The following NSMCE2 variants were observed in gnomAD, a reference collection of about 807,000 sequenced individuals.
NSMCE2 encodes the protein NSE2 SUMO ligase component of SMC5/6 complex, also known as E3 SUMO-protein ligase NSE2.
Under a neutral mutation model 23.8 loss-of-function variants are expected in NSMCE2, and 24 were observed. The observed-to-expected ratio is 1.01, with a 90% CI of 0.73 to 1.42. The LOEUF is 1.42. Ranked by LOEUF, NSMCE2 falls within the 40% of genes most tolerant of loss-of-function variation. The pLI is 0.00. For synonymous variants in NSMCE2, 92 were observed against 94.1 expected (o/e 0.98, Z 0.13); for missense variants, 284 against 296.5 (o/e 0.96, Z 0.31).
At chr8:125,258,717 G>A (rs1826548717) in intron 5 of NSMCE2, among the ~76,000 whole-genome samples, 1 of 152,224 alleles carries the variant, frequency 6.6e-6, no homozygotes, top group Non-Finnish European at 1.5e-5. Flanking sequence ...GTAAGAGGAT[G>A]AGGGTAATGG....
intron 5 of NSMCE2, among the ~76,000 whole-genome samples, chr8:125,267,003 C>CTTTTTTTTTTTTTTTTTTTTTTTTTTTT (rs35990794): frequency 8.9e-6 from 1 of 111,990 alleles, no homozygotes; most frequent in African/African-American, 3.3e-5. Flanking sequence ...TTTTTTCTTT[C>CTTTTTTTTTTTTTTTTTTTTTTTTTTTT]TTTTTTTTTT....
At chr8:125,264,502 G>T (rs1826833539) in intron 5 of NSMCE2, among the ~76,000 whole-genome samples, 2 of 152,128 alleles carry the variant, frequency 1.3e-5, no homozygotes, top group South Asian at 4.1e-4. Context: ...TGCCTCCTGG[G>T]TTGAAACAAT....
At chr8:125,109,712 A>G (rs1223289805) in intron 3 of NSMCE2, among the ~76,000 whole-genome samples, 1 of 152,108 alleles carries the variant, frequency 6.6e-6, no homozygotes, top group Non-Finnish European at 1.5e-5. Context: ...GCAGATTCCT[A>G]ATTCCTATAC....
chr8:125,107,760 C>T (rs1437290368), intron 3 of NSMCE2, among the ~76,000 whole-genome samples: 2 of 152,126 alleles, frequency 1.3e-5, no homozygotes, highest in African/African-American at 4.8e-5. Flanking sequence ...TAAGCTAGGC[C>T]TGGTGGCTGA....
chr8:125,159,624 G>T (rs1821499401), intron 4 of NSMCE2, among the ~76,000 whole-genome samples: 1 of 152,148 alleles, frequency 6.6e-6, no homozygotes, highest in Non-Finnish European at 1.5e-5. Flanking sequence ...ACTATACAGG[G>T]TTTGGTACTA....
At chr8:125,288,218 C>T (rs1827974088) in intron 5 of NSMCE2, among the ~76,000 whole-genome samples, 1 of 152,204 alleles carries the variant, frequency 6.6e-6, no homozygotes. Flanking sequence ...AGCTCCCACA[C>T]TCACCTTTAT....
intron 5 of NSMCE2, among the ~76,000 whole-genome samples, chr8:125,257,573 G>A (rs532958445): frequency 1.6e-4 from 19 of 119,960 alleles, no homozygotes; most frequent in African/African-American, 3.9e-4. Flanking sequence ...TCGCTCTGTC[G>A]CCCAGGCTGG....
intron 3 of NSMCE2, among the ~76,000 whole-genome samples, chr8:125,111,889 GACTT>G (rs1257549621): frequency 6.6e-6 from 1 of 152,170 alleles, no homozygotes; most frequent in African/African-American, 2.4e-5. Flanking sequence ...TTTTTAGAAA[GACTT>G]ACATTCTGGA....
chr8:125,229,574 C>A (rs569147805), intron 5 of NSMCE2, among the ~76,000 whole-genome samples: 1 of 152,094 alleles, frequency 6.6e-6, no homozygotes, highest in African/African-American at 2.4e-5. Flanking sequence ...TTTGAAGATG[C>A]TTCATACAAA....
At chr8:125,120,791 A>G (rs1819228022) in intron 3 of NSMCE2, among the ~76,000 whole-genome samples, 1 of 152,250 alleles carries the variant, frequency 6.6e-6, no homozygotes, top group Admixed American at 6.5e-5. Flanking sequence ...AGCTCCAAAC[A>G]GATGTGCTTC....
intron 5 of NSMCE2, chr8:125,182,551 G>A (rs965725078): frequency 8.8e-6 from 4 of 454,670 alleles, no homozygotes; most frequent in Admixed American, 4.3e-5. Context: ...AAATAAAAGT[G>A]AAAACTATTT....
intron 3 of NSMCE2, among the ~76,000 whole-genome samples, chr8:125,139,617 A>T (rs534287918): frequency 1.3e-5 from 2 of 152,306 alleles, no homozygotes; most frequent in Non-Finnish European, 2.9e-5. Flanking sequence ...ATCAGATCTC[A>T]TGAGATTTAT....
At position 125,324,367 on chromosome 8, in the gene NSMCE2, A is replaced by T. The variant is rs192742698; in HGVS notation, c.419-32852A>T. ...AGACTTCTACTACACAAATGTTCAT[A>T]GCAGCTTTATTTCTATTAGTTCAAA... On this transcript the variant is annotated intron_variant, in intron 5 of 7. Transcript: ENST00000287437. 9.3e-3 allele frequency among the ~76,000 whole-genome samples: 1,411 copies of T among 152,204 alleles called. 12 individuals are homozygous for T. Among genetic ancestry groups the T allele is most frequent in the Non-Finnish European group, 0.015 (1,030 of 68,016 alleles).
At chr8:125,273,672 C>T (rs189698530) in intron 5 of NSMCE2, among the ~76,000 whole-genome samples, 349 of 152,302 alleles carry the variant, frequency 2.3e-3, no homozygotes, top group African/African-American at 7.7e-3. Context: ...ACTATGATAA[C>T]GATTCACTGG....
At chr8:125,238,521 A>G (rs1254216053) in intron 5 of NSMCE2, among the ~76,000 whole-genome samples, 1 of 152,190 alleles carries the variant, frequency 6.6e-6, no homozygotes, top group Admixed American at 6.5e-5. Flanking sequence ...AAAAAAATTG[A>G]ATAGTGTATC....
At chr8:125,169,325 G>C (rs1384810676) in intron 4 of NSMCE2, among the ~76,000 whole-genome samples, 2 of 152,148 alleles carry the variant, frequency 1.3e-5, no homozygotes, top group South Asian at 2.1e-4. Context: ...CTGAGTCCCA[G>C]ATCTTTATTT....
chr8:125,176,261 T>A (rs371935341), intron 4 of NSMCE2, among the ~76,000 whole-genome samples: 6 of 152,322 alleles, frequency 3.9e-5, no homozygotes, highest in African/African-American at 1.4e-4. Flanking sequence ...CTAGAGTCTC[T>A]AGTGACTCAA....
chr8:125,299,258 T>C (rs531912260), intron 5 of NSMCE2, among the ~76,000 whole-genome samples: 1 of 152,280 alleles, frequency 6.6e-6, no homozygotes, highest in South Asian at 2.1e-4. Context: ...CAAGAGGAGA[T>C]TCTTTGTCAG....
intron 5 of NSMCE2, among the ~76,000 whole-genome samples, chr8:125,236,073 G>A (rs970455021): frequency 5.9e-5 from 9 of 152,174 alleles, no homozygotes; most frequent in Non-Finnish European, 1.2e-4. Flanking sequence ...CCTCAGAGCA[G>A]CAAAGGGCTG....
Sources: allele counts gnomAD v4.1 joint callset (sites outside exome capture counted in the v4.1 genomes callset), GRCh38; gene constraint gnomAD v4.1.1; transcripts MANE v1.5; gene names NCBI Gene and HGNC (gene_info 2026-07-23, HGNC 2026-07-21).